RNF38: variants seen among roughly 807,000 people sequenced by gnomAD.
The protein encoded by RNF38 is ring finger protein 38, also known as E3 ubiquitin-protein ligase RNF38.
In RNF38, 15 loss-of-function variants were observed where a neutral mutation model predicts 67.2. The ratio of observed to expected loss-of-function variants is 0.22; its 90% confidence interval spans 0.15 to 0.34. The LOEUF is 0.34. RNF38 is among the 10% of genes least tolerant of loss of function. RNF38 has a pLI of 1.00. For missense variants in RNF38, 524 were observed against 639.9 expected, an observed-to-expected ratio of 0.82 and a Z score of 1.95; for synonymous variants, 220 against 218.8, an observed-to-expected ratio of 1.01 and a Z score of -0.05.
chr9:36,357,533 T>G (rs1426727861), intron 5 of RNF38, among the ~76,000 whole-genome samples: 1 of 152,198 alleles, frequency 6.6e-6, no homozygotes, highest in African/African-American at 2.4e-5. Flanking sequence ...TGTAAAAATA[T>G]ATCCGGTTAT....
upstream of RNF38, chr9:36,487,634 C>T (rs1367008063): frequency 4.2e-6 from 4 of 955,568 alleles, no homozygotes; most frequent in African/African-American, 5.4e-5. Flanking sequence ...CCCCGGCCGG[C>T]AGCAGCGGTG....
intron 1 of RNF38, among the ~76,000 whole-genome samples, chr9:36,471,605 G>T (rs1253536504): frequency 1.3e-5 from 2 of 152,128 alleles, no homozygotes; most frequent in Admixed American, 1.3e-4. Flanking sequence ...TTCCAGGCCA[G>T]CCTGGGCAAA....
intron 3 of RNF38, among the ~76,000 whole-genome samples, chr9:36,371,246 A>AGG (rs1835355482): frequency 6.6e-6 from 1 of 152,128 alleles, no homozygotes; most frequent in Non-Finnish European, 1.5e-5. Flanking sequence ...CTAATTCTCC[A>AGG]ATCTTAAGAG....
At chr9:36,486,311 T>TTACA (rs1265355805) in intron 1 of RNF38, among the ~76,000 whole-genome samples, 1 of 151,990 alleles carries the variant, frequency 6.6e-6, no homozygotes, top group Non-Finnish European at 1.5e-5. Flanking sequence ...ATCCCATGTA[T>TTACA]TACATGCCAG....
rs1832654321 is a variant in RNF38 at position 36,338,989 on chromosome 9, G to A, written c.*763C>T. 1 of 152,376 alleles carries A rather than the reference G, an allele frequency of 6.6e-6. No individual in the cohort carries two copies. Among genetic ancestry groups the A allele is most frequent in the African/African-American group, 2.4e-5 (1 of 41,378 alleles). The allele number at this position is 152,376 out of a possible 1,614,324, so 9.4% of individuals were successfully genotyped here. On this transcript the variant is annotated 3_prime_UTR_variant, in exon 12 of 12. Coordinates refer to ENST00000259605, the MANE Select transcript of RNF38 (RefSeq NM_022781.5). ...TTTGTTACACTTTTTTTTCTTAAGTGACCCACTTAGGACCACCAATAAAGA... is the reference window on the plus strand; with the variant it reads ...TTTGTTACACTTTTTTTTCTTAAGTAACCCACTTAGGACCACCAATAAAGA...
intron 1 of RNF38, among the ~76,000 whole-genome samples, chr9:36,483,027 T>C (rs1002696261): frequency 6.6e-6 from 1 of 152,168 alleles, no homozygotes; most frequent in African/African-American, 2.4e-5. Context: ...CCACCCTCAC[T>C]TGCCACCTGA....
Position 36,344,835 on chromosome 9 carries a change from G to C in RNF38, c.1382C>G (p.Thr461Ser). ...GATGTCAGAAAAATTTACTTACAAA[G>C]TCTGTTCTGACTGGTGGTTGTTAGG... ...FNPNNHQSEQTLCVVCMCDFE... is the reference protein window; with the variant it reads ...FNPNNHQSEQSLCVVCMCDFE... Residue 461 changes from threonine (T) to serine (S), a missense_variant, in exon 10 of 12, where the codon ACT becomes AGT. Transcript: ENST00000259605. The C allele has an allele frequency of 6.2e-7, 1 of 1,612,718 alleles. No homozygotes were observed. The highest frequency in any genetic ancestry group is 8.5e-7 in the Non-Finnish European group (1 of 1,179,086).
chr9:36,454,408 C>G (rs1390326362), intron 1 of RNF38, among the ~76,000 whole-genome samples: 1 of 151,992 alleles, frequency 6.6e-6, no homozygotes, highest in Non-Finnish European at 1.5e-5. Context: ...GGGTTACAGG[C>G]ATGAACCACC....
chr9:36,444,125 A>C (rs1301986536), intron 1 of RNF38, among the ~76,000 whole-genome samples: 1 of 152,220 alleles, frequency 6.6e-6, no homozygotes, highest in Non-Finnish European at 1.5e-5. Flanking sequence ...CTGAGGGCCA[A>C]TAAAACATCT....
At chr9:36,482,048 C>CTTTTTT (rs767211095) in intron 1 of RNF38, among the ~76,000 whole-genome samples, 6 of 119,310 alleles carry the variant, frequency 5.0e-5, no homozygotes, top group Admixed American at 9.5e-5. Context: ...ATACTTTTGT[C>CTTTTTT]TTTTTTTTTT....
At chr9:36,366,087 C>T (rs1249179061) in intron 4 of RNF38, among the ~76,000 whole-genome samples, 2 of 151,986 alleles carry the variant, frequency 1.3e-5, no homozygotes, top group East Asian at 1.9e-4. Flanking sequence ...CCATATCCAC[C>T]GCCCAGCCCT....
chr9:36,449,159 T>C (rs1316265479), intron 1 of RNF38, among the ~76,000 whole-genome samples: 2 of 152,170 alleles, frequency 1.3e-5, no homozygotes, highest in Non-Finnish European at 2.9e-5. Flanking sequence ...ACACAAGAAC[T>C]ACTCAGAGAC....
At chr9:36,449,888 T>C (rs953892364) in intron 1 of RNF38, among the ~76,000 whole-genome samples, 4 of 152,216 alleles carry the variant, frequency 2.6e-5, no homozygotes, top group African/African-American at 7.2e-5. Context: ...AGTTCTGCTA[T>C]TTGATATAAT....
chr9:36,471,971 C>CT (rs918236284), intron 1 of RNF38, among the ~76,000 whole-genome samples: 8 of 151,986 alleles, frequency 5.3e-5, no homozygotes, highest in East Asian at 3.9e-4. Context: ...AGGAATGTTT[C>CT]TTTTTTTTAG....
intron 1 of RNF38, among the ~76,000 whole-genome samples, chr9:36,467,651 T>C (rs1210087529): frequency 1.3e-5 from 2 of 152,190 alleles, no homozygotes; most frequent in African/African-American, 4.8e-5. Flanking sequence ...AAACCCACTA[T>C]AGCTTTTTCA....
chr9:36,400,899 TCCCCGCCCCGCCGCG>T, upstream of RNF38: 3 of 825,114 alleles, frequency 3.6e-6, no homozygotes, highest in Non-Finnish European at 4.1e-6. Context: ...GCCACGCCCC[TCCCCGCCCCGCCGCG>T]CCCCGCCGCA....
chr9:36,433,593 G>A (rs1035316984), intron 1 of RNF38, among the ~76,000 whole-genome samples: 6 of 151,398 alleles, frequency 4.0e-5, no homozygotes, highest in South Asian at 2.1e-4. Flanking sequence ...AGGCTGAGGC[G>A]GGAGAACTGG....
chr9:36,476,676 A>G (rs1310365532), intron 1 of RNF38, among the ~76,000 whole-genome samples: 1 of 151,458 alleles, frequency 6.6e-6, no homozygotes, highest in East Asian at 2.0e-4. Flanking sequence ...GGCGCCCACC[A>G]CCATGCCCGG....
intron 1 of RNF38, among the ~76,000 whole-genome samples, chr9:36,468,474 AAAG>A (rs1839918051): frequency 1.3e-5 from 2 of 152,186 alleles, no homozygotes; most frequent in Admixed American, 6.5e-5. Flanking sequence ...CTGGAGAGGT[AAAG>A]AAAAGATATC....
Sources: gnomAD v4.1 joint callset for allele counts (sites outside exome capture counted in the v4.1 genomes callset) on GRCh38, gnomAD v4.1.1 for gene constraint, MANE v1.5 for transcripts, NCBI Gene and HGNC (gene_info 2026-07-23, HGNC 2026-07-21) for gene names.